LRBA: variants seen among roughly 807,000 people sequenced by gnomAD.
The protein encoded by LRBA is lipopolysaccharide-responsive and beige-like anchor protein.
In LRBA, 176 loss-of-function variants were observed where a neutral mutation model predicts 330.0. That is an observed-to-expected ratio of 0.53 (90% CI 0.47 to 0.60). The LOEUF is 0.60. Among genes scored for constraint, LRBA ranks in the 20% least tolerant of loss-of-function variants. LRBA has a pLI of 0.00. For synonymous variants in LRBA, 1,230 were observed against 1,193.0 expected (o/e 1.03, Z -0.64); for missense variants, 3,259 against 3,444.8 (o/e 0.95, Z 1.35).
At chr4:150,912,826 T>C (rs1284787450) in intron 9 of LRBA, among the ~76,000 whole-genome samples, 1 of 152,218 alleles carries the variant, frequency 6.6e-6, no homozygotes. Flanking sequence ...TTGGTGATAA[T>C]GATCAGTCAT....
At chr4:150,601,668 A>G (rs905718561) in intron 37 of LRBA, among the ~76,000 whole-genome samples, 17 of 152,018 alleles carry the variant, frequency 1.1e-4, no homozygotes, top group Admixed American at 2.0e-4. Flanking sequence ...GCAGACATAC[A>G]TACTGTCTTC....
At chr4:150,677,837 A>AAACAG (rs144398515) in intron 37 of LRBA, among the ~76,000 whole-genome samples, 1 of 150,234 alleles carries the variant, frequency 6.7e-6, no homozygotes, top group African/African-American at 2.5e-5. Context: ...AGAAAAAAGA[A>AAACAG]AAGAGAAAAG....
intron 2 of LRBA, among the ~76,000 whole-genome samples, chr4:150,993,300 CA>C (rs1554015564): frequency 2.0e-5 from 3 of 151,610 alleles, no homozygotes; most frequent in Non-Finnish European, 4.4e-5. Flanking sequence ...TAAATGTGTA[CA>C]AAAAGGAACT....
At chr4:150,930,652 A>G (rs953122476) in intron 2 of LRBA, among the ~76,000 whole-genome samples, 1 of 152,234 alleles carries the variant, frequency 6.6e-6, no homozygotes, top group Non-Finnish European at 1.5e-5. Context: ...AGGTTCTGAC[A>G]AAAATATACA....
intron 37 of LRBA, among the ~76,000 whole-genome samples, chr4:150,621,927 C>G (rs1776332901): frequency 6.6e-6 from 1 of 152,152 alleles, no homozygotes; most frequent in South Asian, 2.1e-4. Context: ...ATAAACTTCC[C>G]TACATGGAAA....
At chr4:150,682,539 C>A (rs184116949) in intron 37 of LRBA, among the ~76,000 whole-genome samples, 2 of 152,200 alleles carry the variant, frequency 1.3e-5, no homozygotes, top group East Asian at 3.9e-4. Flanking sequence ...AAATATCACA[C>A]GCTACATTTA....
Position 150,683,600 on chromosome 4 carries a change from T to C in LRBA, c.5872A>G (p.Ile1958Val). 1.9e-6 allele frequency: 3 copies of C among 1,614,000 alleles called. No individual in the cohort carries two copies. Among genetic ancestry groups the C allele is most frequent in the South Asian group, 1.1e-5 (1 of 91,072 alleles). ...VTATQLIQKI[I>V]NILTDKHGAW... ...CCATGCTTGTCTGTGAGAATGTTGA[T>C]AATTTTCTGGATTAGTTGAGTTGCT... The change falls in exon 37 of 57, where the codon ATC becomes GTC. Residue 1958 changes from isoleucine (I) to valine (V), a missense_variant. Coordinates refer to ENST00000651943, the MANE Select transcript of LRBA (RefSeq NM_001364905.1).
At chr4:150,684,501 T>A (rs1783352188) in intron 36 of LRBA, among the ~76,000 whole-genome samples, 1 of 152,152 alleles carries the variant, frequency 6.6e-6, no homozygotes, top group African/African-American at 2.4e-5. Flanking sequence ...TACATCAAAG[T>A]CTGAAAAGTA....
At position 150,908,798 on chromosome 4, in the gene LRBA, T is replaced by C. The variant is rs1030680144; in HGVS notation, c.1221A>G (p.Leu407=). 6.2e-7 allele frequency: 1 copy of C among 1,613,838 alleles called. No individual in the cohort carries two copies. The highest frequency in any genetic ancestry group is 1.7e-5 in the Admixed American group (1 of 59,962). ...DLFLAEHHKL[L]LYDGKLSSAI... ...CACTAGAGAGTTTCCCATCGTACAA[T>C]AAAAGTTTGTGATGCTCAGCAAGGA... The change falls in exon 10 of 57, where the codon TTA becomes TTG. Residue 407 remains leucine, a synonymous_variant. Coordinates refer to ENST00000651943, the MANE Select transcript of LRBA (RefSeq NM_001364905.1).
At chr4:150,585,495 A>G (rs144798429) in intron 40 of LRBA, among the ~76,000 whole-genome samples, 1 of 152,252 alleles carries the variant, frequency 6.6e-6, no homozygotes, top group East Asian at 1.9e-4. Context: ...AAACCAATAT[A>G]CTCATTTCAA....
In LRBA at chr4:150,466,007, T is replaced by C. The variant is rs190854856; in HGVS notation, c.6780+1666A>G. 7.8e-4 allele frequency among the ~76,000 whole-genome samples: 119 copies of C among 152,096 alleles called. 1 individual carries two copies. The highest frequency in any genetic ancestry group is 3.4e-3 in the Middle Eastern group (1 of 294). On this transcript the variant is annotated intron_variant, in intron 44 of 56. Transcript: ENST00000651943. ...AAAGTACCCTGGGAGTTCAAATTTC[T>C]AGATAAAGAAAAGAGCCAACAGCAA...
intron 53 of LRBA, among the ~76,000 whole-genome samples, chr4:150,295,917 T>G (rs1728923112): frequency 6.6e-6 from 1 of 152,188 alleles, no homozygotes; most frequent in South Asian, 2.1e-4. Context: ...TGGAGGGGCT[T>G]GGTCTTTGGT....
At chr4:150,670,969 T>C (rs1400061104) in intron 37 of LRBA, among the ~76,000 whole-genome samples, 2 of 151,256 alleles carry the variant, frequency 1.3e-5, no homozygotes, top group African/African-American at 2.4e-5. Flanking sequence ...GTAATGCTGT[T>C]AGATTTTCAC....
intron 36 of LRBA, chr4:150,721,214 A>G (rs1728885612): frequency 2.1e-6 from 1 of 468,158 alleles, no homozygotes; most frequent in Non-Finnish European, 4.1e-6. Context: ...CAATAGAAGT[A>G]GAAACCCAAG....
chr4:150,685,269 A>G (rs1231611620), intron 36 of LRBA, among the ~76,000 whole-genome samples: 1 of 149,988 alleles, frequency 6.7e-6, no homozygotes, highest in African/African-American at 2.5e-5. Context: ...TTAAGAGCCA[A>G]TAAACTCCTG....
rs201272489 is a variant in LRBA, at chr4:150,852,525, G to A, written c.3185C>T (p.Ser1062Phe). Residue 1062 changes from serine (S) to phenylalanine (F), a missense_variant, in exon 23 of 57, where the codon TCT (serine) becomes TTT (phenylalanine). Transcript: ENST00000651943. ...SDIIEAVAIS[S>F]NSFITTGKDS... ...TTTGCCAGTTGTTATAAAAGAATTAGAGGAAATAGCCACAGCTTCTATTAT... is the reference window on the plus strand; with the variant it reads ...TTTGCCAGTTGTTATAAAAGAATTAAAGGAAATAGCCACAGCTTCTATTAT... 7.4e-5 allele frequency: 119 copies of A among 1,613,810 alleles called. No homozygotes were observed. Among genetic ancestry groups the A allele is most frequent in the Admixed American group, 3.0e-4 (18 of 60,004 alleles).
chr4:150,782,292 A>G (rs897703967), intron 34 of LRBA, among the ~76,000 whole-genome samples: 1 of 152,244 alleles, frequency 6.6e-6, no homozygotes, highest in Non-Finnish European at 1.5e-5. Context: ...CTTTCAAAGC[A>G]TTACTGGATA....
At chr4:150,604,142 C>T (rs1774388897) in intron 37 of LRBA, among the ~76,000 whole-genome samples, 1 of 151,958 alleles carries the variant, frequency 6.6e-6, no homozygotes, top group African/African-American at 2.4e-5. Flanking sequence ...GGCACTGTGG[C>T]TAATGCCTGT....
Position 150,954,130 on chromosome 4 carries a change from C to T in LRBA, c.217-25065G>A, listed in dbSNP as rs371955103. Among the ~76,000 whole-genome samples the T allele has an allele frequency of 2.3e-4, 35 of 151,270 alleles. No individual in the cohort carries two copies. In the East Asian group the frequency reaches 5.7e-3, roughly 25 times the overall value. The stretch of plus-strand genomic sequence containing the variant: ...GTGAGGAGCATCTCTGCCCGGCAGC[C>T]GCCCCGTCGGGGAGGTGGGGGGCAG... On this transcript the variant is annotated intron_variant, in intron 2 of 56. Transcript: ENST00000651943.
Sources: allele counts gnomAD v4.1 joint callset (sites outside exome capture counted in the v4.1 genomes callset), GRCh38; gene constraint gnomAD v4.1.1; transcripts MANE v1.5; gene names NCBI Gene and HGNC (gene_info 2026-07-23, HGNC 2026-07-21).